Variants in NRXN3 observed in about 807,000 individuals in gnomAD.
NRXN3 encodes neurexin 3.
Under a neutral mutation model 137.6 loss-of-function variants are expected in NRXN3, and 32 were observed. The observed-to-expected ratio is 0.23, with a 90% CI of 0.18 to 0.31. NRXN3 has a LOEUF of 0.31. Among genes scored for constraint, NRXN3 ranks in the 10% least tolerant of loss-of-function variants. The probability of loss-of-function intolerance (pLI) is 1.00; values close to 1 mark genes in which losing one functional copy is unlikely to be tolerated. For synonymous variants in NRXN3, 798 were observed against 784.5 expected, an observed-to-expected ratio of 1.02 and a Z score of -0.29; for missense variants, 1,574 against 2,062.5, an observed-to-expected ratio of 0.76 and a Z score of 4.59.
intron 15 of NRXN3, among the ~76,000 whole-genome samples, chr14:79,426,959 A>T (rs995775156): frequency 9.9e-5 from 15 of 152,156 alleles, no homozygotes; most frequent in Non-Finnish European, 1.5e-4. Flanking sequence ...GTTTCCAAAA[A>T]ATATATATTT....
rs548908740 is a variant in NRXN3, at chr14:78,966,093, C to A, written c.2464C>A (p.Arg822Ser). The A allele has an allele frequency of 6.2e-7, 1 of 1,614,138 alleles. No individual in the cohort carries two copies. The highest frequency in any genetic ancestry group is 1.1e-5 in the South Asian group (1 of 91,078). Residue 822 changes from arginine (R) to serine (S), a missense_variant, in exon 12 of 21, where the codon CGC (arginine) becomes AGC (serine). Around this residue, in one of 5 missense-constraint regions of NRXN3, gnomAD observed 718 missense variants for 887.6 expected, o/e 0.81. Coordinates refer to ENST00000335750, the MANE Select transcript of NRXN3 (RefSeq NM_001330195.2). The part of the protein sequence containing the change: ...NIETGIMTEK[R>S]YISVVPSSFI... ...TGAAACGGGAATCATGACTGAGAAA[C>A]GCTACATCTCCGTTGTCCCCTCCAG... is the stretch of plus-strand genomic sequence containing the variant.
intron 8 of NRXN3, among the ~76,000 whole-genome samples, chr14:78,790,751 G>C (rs907719345): frequency 1.3e-5 from 2 of 152,178 alleles, no homozygotes; most frequent in East Asian, 3.9e-4. Context: ...TGCTTACAAG[G>C]TTGACCAGGA....
intron 10 of NRXN3, among the ~76,000 whole-genome samples, chr14:78,935,237 G>A (rs1008277296): frequency 6.6e-6 from 1 of 152,106 alleles, no homozygotes; most frequent in Non-Finnish European, 1.5e-5. Flanking sequence ...AGTGATCAAT[G>A]AAAACCCAAT....
chr14:78,179,721 C>A (rs754794939), intron 1 of NRXN3, among the ~76,000 whole-genome samples: 6 of 151,046 alleles, frequency 4.0e-5, no homozygotes, highest in Non-Finnish European at 7.4e-5. Flanking sequence ...GAGGGAGGAA[C>A]AATTATTCTC....
chr14:79,687,151 T>TTA (rs1232432181), intron 17 of NRXN3, among the ~76,000 whole-genome samples: 4 of 152,228 alleles, frequency 2.6e-5, no homozygotes, highest in Non-Finnish European at 5.9e-5. Flanking sequence ...GAGATGATGC[T>TTA]TATAATTGCA....
intron 15 of NRXN3, among the ~76,000 whole-genome samples, chr14:79,282,816 AT>A (rs2081499922): frequency 6.6e-6 from 1 of 152,204 alleles, no homozygotes; most frequent in African/African-American, 2.4e-5. Flanking sequence ...TCCTCTTTCA[AT>A]CCTGAAGTCC....
intron 15 of NRXN3, among the ~76,000 whole-genome samples, chr14:79,314,825 G>T (rs1355932926): frequency 1.4e-5 from 2 of 146,934 alleles, no homozygotes; most frequent in Admixed American, 6.9e-5. Flanking sequence ...CACACGGCAG[G>T]GTATTCCAAC....
At chr14:79,095,735 C>T (rs1319258678) in intron 15 of NRXN3, among the ~76,000 whole-genome samples, 3 of 152,076 alleles carry the variant, frequency 2.0e-5, no homozygotes, top group Non-Finnish European at 4.4e-5. Context: ...ATCTGTACAC[C>T]TCCACTGGAA....
intron 17 of NRXN3, among the ~76,000 whole-genome samples, chr14:79,682,400 C>A (rs1197048217): frequency 6.6e-6 from 1 of 152,148 alleles, no homozygotes; most frequent in Non-Finnish European, 1.5e-5. Flanking sequence ...AGACATACTA[C>A]AACTACGGCA....
chr14:78,536,516 A>G (rs1221577778), intron 4 of NRXN3, among the ~76,000 whole-genome samples: 1 of 152,172 alleles, frequency 6.6e-6, no homozygotes, highest in Non-Finnish European at 1.5e-5. Context: ...ATTATATTGT[A>G]CAGAACTGGT....
At chr14:79,785,102 G>A (rs2099125491) in intron 19 of NRXN3, among the ~76,000 whole-genome samples, 2 of 152,156 alleles carry the variant, frequency 1.3e-5, no homozygotes, top group African/African-American at 2.4e-5. Context: ...TGCAGTAATG[G>A]CCTCATTCGG....
At chr14:78,903,850 C>T (rs1420831142) in intron 10 of NRXN3, among the ~76,000 whole-genome samples, 2 of 151,982 alleles carry the variant, frequency 1.3e-5, no homozygotes, top group African/African-American at 2.4e-5. Flanking sequence ...CAATGAAGTG[C>T]GTTTCTTGCT....
At chr14:78,314,899 C>A (rs1316401532) in intron 4 of NRXN3, among the ~76,000 whole-genome samples, 1 of 97,446 alleles carries the variant, frequency 1.0e-5, no homozygotes, top group Non-Finnish European at 2.0e-5. Context: ...CTTTCTCTTT[C>A]TTTCTTTCTT....
chr14:78,874,565 A>G (rs1294990321), intron 10 of NRXN3, among the ~76,000 whole-genome samples: 1 of 151,926 alleles, frequency 6.6e-6, no homozygotes, highest in South Asian at 2.1e-4. Context: ...ATCAGATCCT[A>G]TTTTCTTCAT....
chr14:78,761,477 C>T (rs1309332154), intron 8 of NRXN3, among the ~76,000 whole-genome samples: 1 of 152,070 alleles, frequency 6.6e-6, no homozygotes, highest in African/African-American at 2.4e-5. Flanking sequence ...ATCAATCCTT[C>T]TAAGATATTT....
intron 15 of NRXN3, among the ~76,000 whole-genome samples, chr14:79,121,474 C>T (rs1410828184): frequency 2.0e-5 from 3 of 152,174 alleles, no homozygotes; most frequent in Non-Finnish European, 2.9e-5. Context: ...ATTTTTACTG[C>T]CATGCGATTT....
intron 16 of NRXN3, among the ~76,000 whole-genome samples, chr14:79,559,130 G>C (rs1407027159): frequency 6.6e-6 from 1 of 152,186 alleles, no homozygotes; most frequent in Admixed American, 6.5e-5. Context: ...ACTTTCTCAT[G>C]TCAGCAATCA....
intron 19 of NRXN3, among the ~76,000 whole-genome samples, chr14:79,708,552 G>A (rs751161667): frequency 2.0e-5 from 3 of 150,714 alleles, no homozygotes; most frequent in Non-Finnish European, 2.9e-5. Context: ...ATAGGAAAAC[G>A]ACTTCAAGCA....
intron 4 of NRXN3, among the ~76,000 whole-genome samples, chr14:78,573,125 T>A (rs967609159): frequency 1.3e-5 from 2 of 152,186 alleles, no homozygotes; most frequent in African/African-American, 4.8e-5. Flanking sequence ...CGTGAAGAGA[T>A]GCCTTCTGCC....
Sources: gnomAD v4.1 joint callset for allele counts (sites outside exome capture counted in the v4.1 genomes callset) on GRCh38, gnomAD v4.1.1 for gene constraint, gnomAD v4.1.1 regional missense constraint, MANE v1.5 for transcripts, NCBI Gene and HGNC (gene_info 2026-07-23, HGNC 2026-07-21) for gene names.